Variants in PLEKHA1 observed in about 807,000 individuals in gnomAD.
The protein encoded by PLEKHA1 is pleckstrin homology domain-containing family A member 1.
A neutral mutation model predicts 52.0 loss-of-function variants in PLEKHA1; 34 were observed. That is an observed-to-expected ratio of 0.65 (90% CI 0.50 to 0.87). The LOEUF is 0.87. Among genes scored for constraint, PLEKHA1 ranks in the 40% least tolerant of loss-of-function variants. The pLI, the probability that PLEKHA1 is intolerant of heterozygous loss-of-function variation, is 0.00. For missense variants in PLEKHA1, 497 were observed against 504.2 expected (o/e 0.99, Z 0.14); for synonymous variants, 163 against 170.7 (o/e 0.95, Z 0.35).
At chr10:122,412,680 G>A (rs1267943148) in intron 5 of PLEKHA1, 1 of 462,848 alleles carries the variant, frequency 2.2e-6, no homozygotes, top group Non-Finnish European at 3.9e-6. Context: ...TAGTAAAGGA[G>A]AAAAATGTGT....
chr10:122,429,113 C>T lies in PLEKHA1; in HGVS notation c.901-511C>T, dbSNP rs79273677. Among the ~76,000 whole-genome samples the T allele has an allele frequency of 1.6e-3, 246 of 152,262 alleles. 6 individuals carry two copies. The East Asian group carries it at 0.037, about 23-fold the overall frequency. On this transcript the variant is annotated intron_variant, in intron 11 of 11. Transcript: ENST00000368990. ...CAGGGAAGTAAAAACTAAGTCTTAT[C>T]AGCAGAATAATGTTTGAAAGATGAT...
intron 6 of PLEKHA1, 29 bp downstream of exon 6, chr10:122,413,074 G>A: frequency 1.3e-6 from 2 of 1,585,930 alleles, no homozygotes; most frequent in East Asian, 4.5e-5. Flanking sequence ...TATTGTGTGA[G>A]GGTCTAATTA....
chr10:122,413,822 A>T (rs1219996843), intron 6 of PLEKHA1, among the ~76,000 whole-genome samples: 1 of 152,120 alleles, frequency 6.6e-6, no homozygotes, highest in African/African-American at 2.4e-5. Flanking sequence ...ATCAATTGGT[A>T]TTGCCAAGCT....
downstream of PLEKHA1, chr10:122,437,273 A>G (rs1203419401): frequency 6.6e-6 from 1 of 152,152 alleles, no homozygotes; most frequent in Admixed American, 6.5e-5. Flanking sequence ...TGAAGAATTA[A>G]GGGTAATGAC....
intron 9 of PLEKHA1, 84 bp from the exon 10 acceptor site, chr10:122,424,812 C>T (rs964630268): frequency 3.8e-5 from 38 of 1,001,890 alleles, no homozygotes; most frequent in African/African-American, 5.0e-5. Flanking sequence ...TATTTATTGA[C>T]GCATACTGGG....
At chr10:122,385,890 G>C (rs2096688208) in intron 1 of PLEKHA1, among the ~76,000 whole-genome samples, 1 of 152,148 alleles carries the variant, frequency 6.6e-6, no homozygotes, top group South Asian at 2.1e-4. Context: ...ACCAGTTGAA[G>C]GACATTTGGG....
intron 4 of PLEKHA1, 89 bp from the exon 5 acceptor site, chr10:122,406,487 T>C: frequency 2.0e-6 from 2 of 1,015,112 alleles, no homozygotes; most frequent in South Asian, 1.3e-5. Context: ...GTCACGGTGT[T>C]GAACTTAGCA....
chr10:122,399,058 C>A (rs2096890568), intron 3 of PLEKHA1, among the ~76,000 whole-genome samples: 1 of 152,070 alleles, frequency 6.6e-6, no homozygotes, highest in Admixed American at 6.6e-5. Context: ...AAAATAGAAC[C>A]TTTTTTCTGT....
chr10:122,384,815 G>T (rs998830667), intron 1 of PLEKHA1, among the ~76,000 whole-genome samples: 1 of 151,944 alleles, frequency 6.6e-6, no homozygotes, highest in Non-Finnish European at 1.5e-5. Context: ...TTAGCCGGGT[G>T]GTAGTGGCTC....
At chr10:122,391,161 T>G (rs1375312249) in intron 1 of PLEKHA1, among the ~76,000 whole-genome samples, 1 of 152,040 alleles carries the variant, frequency 6.6e-6, no homozygotes, top group Non-Finnish European at 1.5e-5. Flanking sequence ...GTTCTGAAAG[T>G]TACTTATGTA....
chr10:122,429,804 GTCTC>G lies in PLEKHA1; in HGVS notation c.1084_1087del (p.Ser362GlnfsTer8), dbSNP rs1565355853. The stretch of plus-strand genomic sequence containing the variant: ...GCCAGGGAACTTCAAGGTCCAGACT[GTCTC>G]TCCAAGAGAACCAGCTTCCAAAGTG... On this transcript the variant is annotated frameshift_variant, in exon 12 of 12. Transcript: ENST00000368990. LOFTEE classifies it high-confidence loss of function. 1 of 1,614,098 alleles carries G rather than the reference GTCTC, an allele frequency of 6.2e-7. No homozygotes were observed. Among genetic ancestry groups the G allele is most frequent in the Non-Finnish European group, 8.5e-7 (1 of 1,180,056 alleles).
At chr10:122,411,816 A>C (rs1005018167) in intron 5 of PLEKHA1, 1 of 152,176 alleles carries the variant, frequency 6.6e-6, no homozygotes, top group African/African-American at 2.4e-5. Flanking sequence ...GGAATTAGCT[A>C]TATGACAAGC....
At chr10:122,401,908 A>T (rs536774540) in intron 4 of PLEKHA1, among the ~76,000 whole-genome samples, 2 of 152,202 alleles carry the variant, frequency 1.3e-5, no homozygotes, top group Non-Finnish European at 2.9e-5. Context: ...GTAGTTAGGA[A>T]TAGCATCTTG....
chr10:122,406,375 A>G (rs1054969787), intron 4 of PLEKHA1, among the ~76,000 whole-genome samples: 6 of 152,230 alleles, frequency 3.9e-5, no homozygotes, highest in Admixed American at 6.5e-5. Context: ...GTATCCATTT[A>G]ATAAACAAAA....
chr10:122,433,252 G>T (rs1408606393), downstream of PLEKHA1: 3 of 152,196 alleles, frequency 2.0e-5, no homozygotes, highest in African/African-American at 7.2e-5. Flanking sequence ...GCCTTTTCCT[G>T]AAAAGCTGAA....
intron 6 of PLEKHA1, among the ~76,000 whole-genome samples, chr10:122,413,367 A>C (rs533501497): frequency 9.9e-5 from 15 of 152,186 alleles, no homozygotes; most frequent in Non-Finnish European, 2.1e-4. Context: ...CTTTTATATC[A>C]TTTTTAATGA....
At chr10:122,398,593 TTGTGTGTGTGTGTG>T (rs10653605) in intron 3 of PLEKHA1, among the ~76,000 whole-genome samples, 2 of 147,516 alleles carry the variant, frequency 1.4e-5, no homozygotes, top group African/African-American at 5.0e-5. Flanking sequence ...CCCTATGGGT[TTGTGTGTGTGTGTG>T]TGTGTGTGTG....
At chr10:122,418,049 C>A in intron 8 of PLEKHA1, 81 bp downstream of exon 8, 2 of 1,119,438 alleles carry the variant, frequency 1.8e-6, no homozygotes, top group Non-Finnish European at 2.6e-6. Flanking sequence ...ATTTCTTGTA[C>A]TGTTCTGTAG....
At chr10:122,424,851 C>G (rs2097314658) in intron 9 of PLEKHA1, 45 bp from the exon 10 acceptor site, 4 of 1,512,682 alleles carry the variant, frequency 2.6e-6, no homozygotes, top group Admixed American at 1.7e-5. Context: ...AAGAGAAACT[C>G]AAACAACTGC....
Sources: allele counts gnomAD v4.1 joint callset (sites outside exome capture counted in the v4.1 genomes callset), GRCh38; gene constraint gnomAD v4.1.1; transcripts MANE v1.5; gene names NCBI Gene and HGNC (gene_info 2026-07-23, HGNC 2026-07-21).